SENP8: variants seen among roughly 807,000 people sequenced by gnomAD.
SENP8 encodes SUMO peptidase family member, NEDD8 specific.
A neutral mutation model predicts 14.4 loss-of-function variants in SENP8; 10 were observed. That is an observed-to-expected ratio of 0.69 (90% confidence interval 0.43 to 1.18). The LOEUF (loss-of-function observed/expected upper bound fraction) is 1.18. SENP8 is among the 50% of genes most tolerant of loss of function. The pLI is 0.00. For synonymous variants in SENP8, 94 were observed against 95.5 expected, an observed-to-expected ratio of 0.98 and a Z score of 0.09; for missense variants, 202 against 249.4, an observed-to-expected ratio of 0.81 and a Z score of 1.28.
intron 1 of SENP8, among the ~76,000 whole-genome samples, chr15:72,124,735 A>G (rs1216187123): frequency 1.3e-5 from 2 of 152,176 alleles, no homozygotes; most frequent in Non-Finnish European, 2.9e-5. Flanking sequence ...ATTCCTCTTC[A>G]ATATGGAAAT....
At chr15:72,118,054 C>A (rs2081069390), upstream of SENP8, 1 of 396,136 alleles carries the variant, frequency 2.5e-6, no homozygotes, top group Non-Finnish European at 4.5e-6. Context: ...CCAACCGCCG[C>A]CGCGTCCCTT....
chr15:72,138,997 A>G (rs2081354464), intron 1 of SENP8, among the ~76,000 whole-genome samples: 1 of 151,748 alleles, frequency 6.6e-6, no homozygotes, highest in Non-Finnish European at 1.5e-5. Context: ...TTTACTACCA[A>G]TAACATAGCC....
chr15:72,116,629 T>A (rs1258693587), upstream of SENP8, among the ~76,000 whole-genome samples: 26 of 151,968 alleles, frequency 1.7e-4, no homozygotes, highest in Non-Finnish European at 1.5e-4. Context: ...AAACAGTGAA[T>A]CCAAAAAAAG....
intron 1 of SENP8, chr15:72,134,751 T>C (rs891033260): frequency 8.4e-6 from 2 of 236,982 alleles, no homozygotes; most frequent in Non-Finnish European, 1.7e-5. Flanking sequence ...ATAAGAAATA[T>C]GATATCGTAG....
intron 1 of SENP8, among the ~76,000 whole-genome samples, chr15:72,126,847 A>AT (rs941835388): frequency 6.6e-6 from 1 of 152,128 alleles, no homozygotes; most frequent in African/African-American, 2.4e-5. Flanking sequence ...TCTACATATG[A>AT]TTTTTTTATG....
intron 1 of SENP8, among the ~76,000 whole-genome samples, chr15:72,122,315 A>G (rs892697874): frequency 1.3e-5 from 2 of 149,976 alleles, no homozygotes; most frequent in Admixed American, 1.3e-4. Flanking sequence ...TAAAAGTCAG[A>G]ACTCCTCTCT....
At chr15:72,118,493 G>A (rs1429976473) in intron 1 of SENP8, 29 bp downstream of exon 1, 2 of 152,342 alleles carry the variant, frequency 1.3e-5, no homozygotes, top group East Asian at 1.9e-4. Flanking sequence ...ACTTCGGTTT[G>A]TCTCGGCAGT....
intron 1 of SENP8, among the ~76,000 whole-genome samples, chr15:72,133,615 G>T (rs1259776375): frequency 6.6e-6 from 1 of 152,130 alleles, no homozygotes; most frequent in African/African-American, 2.4e-5. Context: ...CATTCTGTTT[G>T]TGCCTCTTAT....
intron 1 of SENP8, among the ~76,000 whole-genome samples, chr15:72,134,308 G>A (rs115147207): frequency 0.016 from 2,438 of 152,220 alleles, 64 homozygotes; most frequent in African/African-American, 0.055. Context: ...AGCTGGGCAC[G>A]GTGGCTCACA....
intron 1 of SENP8, among the ~76,000 whole-genome samples, chr15:72,133,474 G>A (rs180857858): frequency 9.8e-5 from 15 of 152,286 alleles, no homozygotes; most frequent in African/African-American, 3.4e-4. Context: ...TCTTCCACAT[G>A]CATCCAGCTC....
intron 1 of SENP8, among the ~76,000 whole-genome samples, chr15:72,119,954 C>T (rs906458613): frequency 4.6e-5 from 7 of 152,138 alleles, no homozygotes; most frequent in African/African-American, 1.7e-4. Flanking sequence ...CGTTCCCTTC[C>T]GTCCAGGATT....
At chr15:72,129,092 G>A (rs1194518051) in intron 1 of SENP8, among the ~76,000 whole-genome samples, 4 of 152,166 alleles carry the variant, frequency 2.6e-5, no homozygotes. Context: ...GAGAATTGCT[G>A]TATGCCATAT....
intron 1 of SENP8, among the ~76,000 whole-genome samples, chr15:72,121,293 A>G (rs1040099677): frequency 6.6e-6 from 1 of 152,240 alleles, no homozygotes; most frequent in Non-Finnish European, 1.5e-5. Flanking sequence ...TTGGTAGACA[A>G]TGGAGGGTTG....
At chr15:72,136,153 CTGTT>C (rs1229008246) in intron 1 of SENP8, among the ~76,000 whole-genome samples, 5 of 152,196 alleles carry the variant, frequency 3.3e-5, no homozygotes, top group Admixed American at 2.6e-4. Flanking sequence ...ACAATCCTGT[CTGTT>C]TCATCTGTTG....
In SENP8 at chr15:72,140,415, C is replaced by T; in HGVS notation, c.*153C>T. 1 of 630,096 alleles carries T rather than the reference C, an allele frequency of 1.6e-6. No individual in the cohort carries two copies. 39.0% of individuals were successfully genotyped at this position (630,096 alleles called of 1,614,324 possible). On this transcript the variant is annotated 3_prime_UTR_variant, in exon 2 of 2. Coordinates refer to ENST00000340912, the MANE Select transcript of SENP8 (RefSeq NM_145204.4). Reference sequence around the variant, plus strand: ...AAGAATATCATCCTCTGCATTATCCCCATGGAACGTTTCACTTTAACCCTG... The same window carrying T: ...AAGAATATCATCCTCTGCATTATCCTCATGGAACGTTTCACTTTAACCCTG...
chr15:72,127,110 G>A (rs891990898), intron 1 of SENP8, among the ~76,000 whole-genome samples: 2 of 152,152 alleles, frequency 1.3e-5, no homozygotes, highest in Non-Finnish European at 2.9e-5. Context: ...TTGAGTACCT[G>A]CCTGGTAAGC....
rs370827895 is a variant in SENP8 at position 72,138,349 on chromosome 15, C to CTT, written c.-47-1211_-47-1210dup. Among the ~76,000 whole-genome samples, 98 of 135,592 alleles carry CTT rather than the reference C, an allele frequency of 7.2e-4. 2 individuals carry two copies. The highest frequency in any genetic ancestry group is 1.7e-3 in the South Asian group (7 of 4,060). 89.0% of individuals were successfully genotyped at this position (135,592 alleles called of 152,430 possible). On this transcript the variant is annotated intron_variant, in intron 1 of 1. Coordinates refer to ENST00000340912, the MANE Select transcript of SENP8 (RefSeq NM_145204.4). ...TATGCAGTCAAAATTCTAGGTATAACTTTTTTTTTTTTTTTTTTGAGATGG... is the reference window on the plus strand; with the variant it reads ...TATGCAGTCAAAATTCTAGGTATAACTTTTTTTTTTTTTTTTTTTTGAGATGG...
At chr15:72,116,850 T>G (rs751631946), upstream of SENP8, 5 of 152,042 alleles carry the variant, frequency 3.3e-5, no homozygotes, top group Non-Finnish European at 5.9e-5. Context: ...TCTGTGACCT[T>G]ATAATGGCAC....
At chr15:72,127,789 T>C (rs1477825866) in intron 1 of SENP8, among the ~76,000 whole-genome samples, 1 of 152,128 alleles carries the variant, frequency 6.6e-6, no homozygotes, top group African/African-American at 2.4e-5. Flanking sequence ...GTGATAGTAG[T>C]GAAGATGGAA....
Sources: allele counts gnomAD v4.1 joint callset (sites outside exome capture counted in the v4.1 genomes callset), GRCh38; gene constraint gnomAD v4.1.1; transcripts MANE v1.5; gene names NCBI Gene and HGNC (gene_info 2026-07-23, HGNC 2026-07-21).